Variants in NCOA1 observed in about 807,000 individuals in gnomAD.
NCOA1 encodes nuclear receptor coactivator 1, also known as Hin-2 protein.
NCOA1 carries 35 observed loss-of-function variants against 150.9 expected under a neutral mutation model. The ratio of observed to expected loss-of-function variants is 0.23; its 90% confidence interval spans 0.18 to 0.31. NCOA1 has a LOEUF of 0.31. Ranked by LOEUF, NCOA1 falls within the 10% of genes least tolerant of loss-of-function variation. The pLI, the probability that NCOA1 is intolerant of heterozygous loss-of-function variation, is 1.00. For synonymous variants in NCOA1, 590 were observed against 630.0 expected (o/e 0.94, Z 0.95); for missense variants, 1,491 against 1,749.3 (o/e 0.85, Z 2.63).
At chr2:24,639,902 AAGTATGTGTGTGT>A (rs1228194624) in intron 3 of NCOA1, among the ~76,000 whole-genome samples, 1 of 117,900 alleles carries the variant, frequency 8.5e-6, no homozygotes, top group African/African-American at 3.3e-5. Flanking sequence ...AAAAAAAAAA[AAGTATGTGTGTGT>A]GTATATATAT....
intron 1 of NCOA1, among the ~76,000 whole-genome samples, chr2:24,559,739 C>T (rs1245111430): frequency 2.7e-5 from 4 of 148,372 alleles, no homozygotes; most frequent in Admixed American, 6.8e-5. Context: ...GTGCAGGATT[C>T]GTTGCCTAAC....
chr2:24,556,108 T>G (rs775676116), intron 1 of NCOA1: 7 of 152,274 alleles, frequency 4.6e-5, no homozygotes, highest in Non-Finnish European at 8.8e-5. Flanking sequence ...CACCTAGGTG[T>G]TAAGCCCAAC....
intron 1 of NCOA1, among the ~76,000 whole-genome samples, chr2:24,538,601 G>A (rs373692512): frequency 1.4e-4 from 22 of 152,164 alleles, no homozygotes; most frequent in Admixed American, 4.6e-4. Context: ...CTATGACTGC[G>A]TAGACTTCCT....
intron 3 of NCOA1, among the ~76,000 whole-genome samples, chr2:24,610,014 A>C (rs1463566969): frequency 6.6e-6 from 1 of 151,080 alleles, no homozygotes; most frequent in Non-Finnish European, 1.5e-5. Context: ...ATTTCATTGC[A>C]TTGTGATCAG....
intron 5 of NCOA1, among the ~76,000 whole-genome samples, chr2:24,664,790 CTT>C (rs930501323): frequency 5.3e-5 from 8 of 152,244 alleles, no homozygotes; most frequent in Non-Finnish European, 7.4e-5. Flanking sequence ...ATCTTCCCCT[CTT>C]CTGTCCTCTT....
At position 24,684,864 on chromosome 2, in the gene NCOA1, A is replaced by G. The variant is rs541457417; in HGVS notation, c.532+1736A>G. Among the ~76,000 whole-genome samples the G allele has an allele frequency of 2.6e-5, 4 of 152,328 alleles. No homozygotes were observed. In the East Asian group the frequency reaches 7.7e-4, roughly 29 times the overall value. Reference sequence around the variant, plus strand: ...AAAGGCCAACTACACTAACTTAGAAAAGCCAATAGCTTCTTTCAAGGTATT... The same window carrying G: ...AAAGGCCAACTACACTAACTTAGAAGAGCCAATAGCTTCTTTCAAGGTATT... On this transcript the variant is annotated intron_variant, in intron 8 of 22. Transcript: ENST00000348332.
chr2:24,514,279 C>CT (rs1170491874), intron 1 of NCOA1, among the ~76,000 whole-genome samples: 2 of 98,230 alleles, frequency 2.0e-5, no homozygotes, highest in African/African-American at 4.1e-5. Flanking sequence ...GAGTGAGACT[C>CT]TGTCTCAAAA....
chr2:24,759,552 G>C (rs1337201099), intron 21 of NCOA1, among the ~76,000 whole-genome samples: 1 of 152,244 alleles, frequency 6.6e-6, no homozygotes, highest in East Asian at 1.9e-4. Context: ...CAATATTTAA[G>C]ATTATTGCAA....
chr2:24,658,530 A>T, intron 4 of NCOA1, 131 bp from the exon 5 acceptor site: 1 of 612,594 alleles, frequency 1.6e-6, no homozygotes, highest in Non-Finnish European at 2.9e-6. Flanking sequence ...TGTTTTTATG[A>T]TGGCTGTAAT....
At chr2:24,531,909 G>C (rs902303846) in intron 1 of NCOA1, among the ~76,000 whole-genome samples, 2 of 152,134 alleles carry the variant, frequency 1.3e-5, no homozygotes, top group African/African-American at 4.8e-5. Context: ...TAATGCTGCA[G>C]TAAACATACG....
intron 22 of NCOA1, among the ~76,000 whole-genome samples, chr2:24,763,873 C>T (rs1014909478): frequency 1.3e-4 from 20 of 151,926 alleles, no homozygotes; most frequent in African/African-American, 4.6e-4. Context: ...CCACCCGCCT[C>T]GGCCTCCCAA....
intron 1 of NCOA1, chr2:24,556,162 C>T (rs898767276): frequency 6.6e-6 from 1 of 152,262 alleles, no homozygotes; most frequent in African/African-American, 2.4e-5. Flanking sequence ...CCCCCGCCCC[C>T]CTGACAGGCT....
At chr2:24,492,965 C>CAAAAAAGA (rs1553418340) in intron 1 of NCOA1, among the ~76,000 whole-genome samples, 1 of 145,166 alleles carries the variant, frequency 6.9e-6, no homozygotes, top group Non-Finnish European at 1.5e-5. Flanking sequence ...AGGCTAGTCT[C>CAAAAAAGA]AAAAAAAAAG....
At chr2:24,522,638 C>A (rs1351728918) in intron 1 of NCOA1, among the ~76,000 whole-genome samples, 3 of 152,044 alleles carry the variant, frequency 2.0e-5, no homozygotes. Context: ...GGAAGAACAA[C>A]TGAGTAAGAG....
At position 24,741,968 on chromosome 2, in the gene NCOA1, C is replaced by T. The variant is rs1440571576; in HGVS notation, c.3488C>T (p.Ala1163Val). ...QMGNPRLPQG[A>V]PQQFPYPPNY... is the part of the protein sequence containing the mutation. ...GGGAACCCCCGTCTTCCTCAGGGTG[C>T]TCCACAGCAATTCCCCTATCCACCA... Residue 1163 changes from alanine to valine, a missense_variant, in exon 19 of 23, where the codon GCT (alanine) becomes GTT (valine). Coordinates refer to ENST00000348332, the MANE Select transcript of NCOA1 (RefSeq NM_003743.5). 2.5e-6 allele frequency: 4 copies of T among 1,614,104 alleles called. No individual in the cohort carries two copies. The Admixed American group carries it at 6.7e-5, about 27-fold the overall frequency.
chr2:24,575,816 G>A (rs968234364), intron 2 of NCOA1, among the ~76,000 whole-genome samples: 31 of 152,108 alleles, frequency 2.0e-4, no homozygotes, highest in East Asian at 7.7e-4. Context: ...CTCATGATCC[G>A]CCCACCTGGG....
At chr2:24,670,072 A>C (rs1671613048) in intron 6 of NCOA1, among the ~76,000 whole-genome samples, 2 of 152,206 alleles carry the variant, frequency 1.3e-5, no homozygotes, top group South Asian at 4.1e-4. Flanking sequence ...TAGGAGTTTG[A>C]GGTTGCAATG....
intron 1 of NCOA1, among the ~76,000 whole-genome samples, chr2:24,516,829 T>TC (rs1664191972): frequency 6.8e-6 from 1 of 147,142 alleles, no homozygotes. Context: ...AGCTTTCTTT[T>TC]TTTTTTTTTT....
At chr2:24,743,771 A>T (rs1663737768) in intron 19 of NCOA1, among the ~76,000 whole-genome samples, 1 of 152,224 alleles carries the variant, frequency 6.6e-6, no homozygotes, top group South Asian at 2.1e-4. Flanking sequence ...TTTTAGCAGC[A>T]TTCATAATAT....
Sources: allele counts gnomAD v4.1 joint callset (sites outside exome capture counted in the v4.1 genomes callset), GRCh38; gene constraint gnomAD v4.1.1; transcripts MANE v1.5; gene names NCBI Gene and HGNC (gene_info 2026-07-23, HGNC 2026-07-21).